The following SGCZ variants were observed in gnomAD, a reference collection of about 807,000 sequenced individuals.
SGCZ encodes the protein zeta-sarcoglycan.
SGCZ carries 40 observed loss-of-function variants against 41.3 expected under a neutral mutation model. The ratio of observed to expected loss-of-function variants is 0.97; its 90% CI spans 0.75 to 1.26. SGCZ has a LOEUF of 1.26. Among genes scored for constraint, SGCZ ranks in the 50% most tolerant of loss-of-function variants. The pLI is 0.00. For missense variants in SGCZ, 552 were observed against 369.8 expected, an observed-to-expected ratio of 1.49 and a Z score of -4.04; for synonymous variants, 206 against 137.5, an observed-to-expected ratio of 1.50 and a Z score of -3.49.
At chr8:14,257,701 G>C (rs7000067) in intron 3 of SGCZ, among the ~76,000 whole-genome samples, 145,468 of 150,600 alleles carry the variant, frequency 0.97, 70,430 homozygotes, top group Non-Finnish European at 1. Flanking sequence ...TCTCATGGTT[G>C]AATTCCCACC....
intron 1 of SGCZ, among the ~76,000 whole-genome samples, chr8:14,719,746 A>G (rs1479622075): frequency 9.2e-5 from 14 of 151,772 alleles, no homozygotes; most frequent in East Asian, 3.9e-4. Context: ...TGTAGATTCT[A>G]GATATTAGCC....
intron 5 of SGCZ, chr8:14,161,198 G>A (rs901213564): frequency 6.6e-5 from 10 of 152,138 alleles, no homozygotes; most frequent in African/African-American, 1.2e-4. Context: ...CAATCTTAAC[G>A]CTCTAAATCT....
chr8:14,128,220 C>G (rs762829137), intron 5 of SGCZ, among the ~76,000 whole-genome samples: 33 of 152,126 alleles, frequency 2.2e-4, no homozygotes, highest in Non-Finnish European at 4.6e-4. Context: ...CATAAACAGG[C>G]ATTTTTCAAA....
At chr8:15,203,981 T>C (rs754578799) in intron 1 of SGCZ, among the ~76,000 whole-genome samples, 1 of 152,192 alleles carries the variant, frequency 6.6e-6, no homozygotes, top group Non-Finnish European at 1.5e-5. Context: ...TAAGAAACAA[T>C]AAAACATTTC....
chr8:14,236,705 G>A (rs1028635851), intron 4 of SGCZ, among the ~76,000 whole-genome samples: 10 of 151,290 alleles, frequency 6.6e-5, no homozygotes, highest in African/African-American at 2.2e-4. Context: ...GAGATAAACA[G>A]ATATGTAATG....
intron 1 of SGCZ, among the ~76,000 whole-genome samples, chr8:14,859,426 T>C (rs868574456): frequency 6.6e-6 from 1 of 152,250 alleles, no homozygotes. Context: ...CAATACGTTA[T>C]TACTATTATA....
At chr8:14,485,136 T>C (rs1469329506) in intron 2 of SGCZ, among the ~76,000 whole-genome samples, 3 of 152,212 alleles carry the variant, frequency 2.0e-5, no homozygotes, top group African/African-American at 7.2e-5. Context: ...TCTTGTTACT[T>C]GTTTCAGAAT....
chr8:14,634,271 G>C (rs1806755035), intron 1 of SGCZ, among the ~76,000 whole-genome samples: 1 of 151,630 alleles, frequency 6.6e-6, no homozygotes, highest in African/African-American at 2.4e-5. Flanking sequence ...TTGAATTGGG[G>C]GGAAAACAGC....
chr8:14,664,061 A>G (rs941785915), intron 1 of SGCZ, among the ~76,000 whole-genome samples: 1 of 152,200 alleles, frequency 6.6e-6, no homozygotes, highest in Admixed American at 6.5e-5. Context: ...TGATAGAGCT[A>G]AGTGCTGTAT....
chr8:15,087,528 G>T (rs372355818), intron 1 of SGCZ, among the ~76,000 whole-genome samples: 5 of 152,050 alleles, frequency 3.3e-5, no homozygotes, highest in Non-Finnish European at 4.4e-5. Flanking sequence ...ATAGACAAAA[G>T]CTCAACTGAT....
chr8:15,234,436 CAG>C (rs1208498909), intron 1 of SGCZ, among the ~76,000 whole-genome samples: 1 of 152,140 alleles, frequency 6.6e-6, no homozygotes, highest in Non-Finnish European at 1.5e-5. Context: ...GAGAGAGAAA[CAG>C]AGATCAAAGG....
intron 2 of SGCZ, among the ~76,000 whole-genome samples, chr8:14,447,592 C>T (rs912528848): frequency 2.0e-5 from 3 of 152,140 alleles, no homozygotes; most frequent in Non-Finnish European, 4.4e-5. Flanking sequence ...AACTCTTACG[C>T]TGTGCTTTAA....
At chr8:14,887,994 T>G (rs957220685) in intron 1 of SGCZ, among the ~76,000 whole-genome samples, 4 of 152,128 alleles carry the variant, frequency 2.6e-5, no homozygotes, top group African/African-American at 9.7e-5. Flanking sequence ...AAATGATAAG[T>G]ATTTGAGGTG....
At chr8:14,900,972 G>A (rs1206446313) in intron 1 of SGCZ, among the ~76,000 whole-genome samples, 1 of 152,148 alleles carries the variant, frequency 6.6e-6, no homozygotes, top group Admixed American at 6.5e-5. Context: ...GACTGTGATA[G>A]TCTAGATAGC....
intron 1 of SGCZ, among the ~76,000 whole-genome samples, chr8:14,855,047 T>C (rs1338265615): frequency 6.6e-6 from 1 of 151,292 alleles, no homozygotes; most frequent in African/African-American, 2.4e-5. Flanking sequence ...ATCTCCATTA[T>C]TTTATTTATT....
chr8:14,511,657 G>A (rs1014364707), intron 2 of SGCZ, among the ~76,000 whole-genome samples: 12 of 152,076 alleles, frequency 7.9e-5, no homozygotes, highest in Non-Finnish European at 4.4e-5. Context: ...TTATATTTTA[G>A]AAGTGAAAAA....
At chr8:14,710,696 C>T (rs1316964172) in intron 1 of SGCZ, among the ~76,000 whole-genome samples, 1 of 151,908 alleles carries the variant, frequency 6.6e-6, no homozygotes. Context: ...TCAAAAAGAA[C>T]TATTTTTAAA....
chr8:14,287,779 C>A (rs975538780), intron 3 of SGCZ, among the ~76,000 whole-genome samples: 1 of 152,058 alleles, frequency 6.6e-6, no homozygotes, highest in Non-Finnish European at 1.5e-5. Flanking sequence ...GTGTACTTCA[C>A]AGGCTATTTA....
intron 4 of SGCZ, among the ~76,000 whole-genome samples, chr8:14,195,897 T>C (rs1805252303): frequency 1.3e-5 from 2 of 152,198 alleles, no homozygotes; most frequent in South Asian, 4.1e-4. Context: ...CTATCGGGAA[T>C]GTTAAAGGAA....
Sources: allele counts gnomAD v4.1 joint callset (sites outside exome capture counted in the v4.1 genomes callset), GRCh38; gene constraint gnomAD v4.1.1; transcripts MANE v1.5; gene names NCBI Gene and HGNC (gene_info 2026-07-23, HGNC 2026-07-21).